Variants in GALNT7 observed in about 807,000 individuals in gnomAD.
GALNT7 encodes N-acetylgalactosaminyltransferase 7.
A neutral mutation model predicts 82.1 loss-of-function variants in GALNT7; 60 were observed. The observed-to-expected ratio is 0.73, with a 90% CI of 0.59 to 0.91. GALNT7 has a LOEUF of 0.91. Ranked by LOEUF, GALNT7 falls within the 40% of genes least tolerant of loss-of-function variation. The pLI is 0.00. For missense variants in GALNT7, 660 were observed against 804.2 expected, an observed-to-expected ratio of 0.82 and a Z score of 2.17; for synonymous variants, 243 against 275.1, an observed-to-expected ratio of 0.88 and a Z score of 1.15.
chr4:173,184,490 CGGCAGGCT>C (rs1732403784), intron 1 of GALNT7, among the ~76,000 whole-genome samples: 1 of 151,578 alleles, frequency 6.6e-6, no homozygotes, highest in South Asian at 2.1e-4. Flanking sequence ...CCCAGGCACT[CGGCAGGCT>C]GAGGCAGGAG....
chr4:173,244,139 A>G (rs909411603), intron 1 of GALNT7, among the ~76,000 whole-genome samples: 9 of 152,150 alleles, frequency 5.9e-5, no homozygotes, highest in Non-Finnish European at 1.2e-4. Flanking sequence ...TCATTTACAT[A>G]TTGTCTATGG....
At chr4:173,247,259 C>G (rs1734673484) in intron 1 of GALNT7, among the ~76,000 whole-genome samples, 1 of 151,422 alleles carries the variant, frequency 6.6e-6, no homozygotes, top group Non-Finnish European at 1.5e-5. Flanking sequence ...ACGGCCCAAA[C>G]AGAAAAGAGA....
At chr4:173,198,243 T>G (rs1189600486) in intron 1 of GALNT7, among the ~76,000 whole-genome samples, 4 of 149,230 alleles carry the variant, frequency 2.7e-5, no homozygotes, top group Non-Finnish European at 5.9e-5. Context: ...TTTTTTTTTG[T>G]ATTTTTAGTA....
At chr4:173,182,389 C>T (rs1400935496) in intron 1 of GALNT7, among the ~76,000 whole-genome samples, 1 of 152,096 alleles carries the variant, frequency 6.6e-6, no homozygotes, top group East Asian at 1.9e-4. Flanking sequence ...TCCTACTATT[C>T]CTTTAATTCT....
rs557926293 is a variant in GALNT7 at position 173,237,023 on chromosome 4, T to C, written c.127-10957T>C. ...TTAAAAAGTAAAATGTCAAAAAGTTTATTACATAAATAACCTTGATCTACT... is the reference window on the plus strand; with the variant it reads ...TTAAAAAGTAAAATGTCAAAAAGTTCATTACATAAATAACCTTGATCTACT... On this transcript the variant is annotated intron_variant, in intron 1 of 11. Coordinates refer to ENST00000265000, the MANE Select transcript of GALNT7 (RefSeq NM_017423.3). 2.0e-5 allele frequency among the ~76,000 whole-genome samples: 3 copies of C among 152,340 alleles called. No individual in the cohort carries two copies. The South Asian group carries it at 6.2e-4, about 32-fold the overall frequency.
chr4:173,283,424 G>A (rs930269213), intron 2 of GALNT7, among the ~76,000 whole-genome samples: 2 of 152,036 alleles, frequency 1.3e-5, no homozygotes, highest in African/African-American at 4.8e-5. Flanking sequence ...CAGATCACCT[G>A]AGGTCAGGAG....
At chr4:173,178,007 CTGTG>C (rs70944437) in intron 1 of GALNT7, among the ~76,000 whole-genome samples, 25,184 of 137,414 alleles carry the variant, frequency 0.18, 2,479 homozygotes, top group Admixed American at 0.28. Context: ...ATCCGCAAGT[CTGTG>C]TGTGTGTGTG....
chr4:173,302,496 C>T lies in GALNT7; in HGVS notation c.1266+332C>T, dbSNP rs989399400. On this transcript the variant is annotated intron_variant, in intron 7 of 11. Transcript: ENST00000265000. This position sits in a 1 kb window ranked among gnomAD's most constrained non-coding sequence, Gnocchi z 4.2. ...TGGAAGAATCTGCATGCGTTAGGGC[C>T]ACAATTGACCACCCACTGACACAGT... 3.3e-5 allele frequency among the ~76,000 whole-genome samples: 5 copies of T among 152,100 alleles called. No homozygotes were observed. The highest frequency in any genetic ancestry group is 5.9e-5 in the Non-Finnish European group (4 of 68,024).
chr4:173,262,753 T>C (rs72999541), intron 2 of GALNT7, among the ~76,000 whole-genome samples: 4,236 of 151,840 alleles, frequency 0.028, 173 homozygotes, highest in African/African-American at 0.085. Context: ...ACGCTTTTCC[T>C]TGACACACCC....
In GALNT7 at chr4:173,320,330, G is replaced by T. The variant is rs1316959224; in HGVS notation, c.1837-1250G>T. ...GAACTGGAAAGTGTCTGAGAAATTT[G>T]TAAAGTTTTTATATATTAATTCATC... On this transcript the variant is annotated intron_variant, in intron 11 of 11. Transcript: ENST00000265000. This position sits in a 1 kb window ranked among gnomAD's most constrained non-coding sequence, Gnocchi z 4.1. Among the ~76,000 whole-genome samples the T allele has an allele frequency of 1.3e-5, 2 of 151,956 alleles. No individual in the cohort carries two copies. The highest frequency in any genetic ancestry group is 6.6e-5 in the Admixed American group (1 of 15,248).
intron 8 of GALNT7, among the ~76,000 whole-genome samples, chr4:173,304,906 C>T (rs1737091750): frequency 6.6e-6 from 1 of 152,020 alleles, no homozygotes; most frequent in Non-Finnish European, 1.5e-5. Flanking sequence ...ACCATATTTT[C>T]TTTACCCATT....
chr4:173,319,625 A>G (rs1737730204), intron 11 of GALNT7, among the ~76,000 whole-genome samples: 1 of 152,166 alleles, frequency 6.6e-6, no homozygotes, highest in Non-Finnish European at 1.5e-5. Context: ...AACTACATCA[A>G]GAAGTAATTG....
At chr4:173,310,837 G>C (rs1737356949) in intron 8 of GALNT7, among the ~76,000 whole-genome samples, 1 of 152,160 alleles carries the variant, frequency 6.6e-6, no homozygotes. Context: ...CCAGATTCAA[G>C]AGATTCTCTT....
At chr4:173,220,943 A>T (rs1446180661) in intron 1 of GALNT7, among the ~76,000 whole-genome samples, 2 of 151,670 alleles carry the variant, frequency 1.3e-5, no homozygotes, top group Admixed American at 6.6e-5. Flanking sequence ...GCTATTGTGG[A>T]TAGTGCCGCA....
rs542321358 is a variant in GALNT7, at chr4:173,287,858, CTCT to C, written c.588-4249_588-4247del. Among the ~76,000 whole-genome samples, 804 of 152,308 alleles carry C rather than the reference CTCT, an allele frequency of 5.3e-3. 10 individuals carry two copies. The highest frequency in any genetic ancestry group is 0.019 in the African/African-American group (777 of 41,572). On this transcript the variant is annotated intron_variant, in intron 2 of 11. Coordinates refer to ENST00000265000, the MANE Select transcript of GALNT7 (RefSeq NM_017423.3). ...AATGGAGGAAGTCTTTTAATATTAT[CTCT>C]GGCTTCCCTTGCTATGGCCCTAGTG...
intron 6 of GALNT7, among the ~76,000 whole-genome samples, chr4:173,300,879 A>C (rs1433985463): frequency 6.6e-6 from 1 of 152,064 alleles, no homozygotes; most frequent in African/African-American, 2.4e-5. Flanking sequence ...CATGCCTATA[A>C]TCCTAGCACT....
At position 173,313,891 on chromosome 4, in the gene GALNT7, T is replaced by G. The variant is rs376810753; in HGVS notation, c.1390-67T>G. 1.0e-5 allele frequency: 7 copies of G among 697,156 alleles called. No homozygotes were observed. In the East Asian group the frequency reaches 1.8e-4, roughly 18 times the overall value. 43.2% of individuals were successfully genotyped at this position (697,156 alleles called of 1,614,324 possible). A position where few individuals can be genotyped will look rare whatever the true frequency, so the allele number is the denominator to read the frequency against. ...GTAGGCCATTTTCATGTGTCTAATATAGGCTGTTTATGATATGACATTTGT... is the reference window on the plus strand; with the variant it reads ...GTAGGCCATTTTCATGTGTCTAATAGAGGCTGTTTATGATATGACATTTGT... On this transcript the variant is annotated intron_variant, in intron 8 of 11. Transcript: ENST00000265000.
At chr4:173,278,317 A>C (rs1735989537) in intron 2 of GALNT7, among the ~76,000 whole-genome samples, 1 of 152,366 alleles carries the variant, frequency 6.6e-6, no homozygotes, top group Non-Finnish European at 1.5e-5. Context: ...AGAGAAATAA[A>C]TATAGTTTGA....
At chr4:173,171,754 T>G (rs552413818) in intron 1 of GALNT7, among the ~76,000 whole-genome samples, 39 of 152,344 alleles carry the variant, frequency 2.6e-4, no homozygotes, top group Admixed American at 5.2e-4. Context: ...CATTTTTGAG[T>G]GCCAATTATA....
Sources: gnomAD v4.1 joint callset for allele counts (sites outside exome capture counted in the v4.1 genomes callset) on GRCh38, gnomAD v4.1.1 for gene constraint, Gnocchi (gnomAD v3.1) non-coding constraint, MANE v1.5 for transcripts, NCBI Gene and HGNC (gene_info 2026-07-23, HGNC 2026-07-21) for gene names.